Variants in KANK1 observed in about 807,000 individuals in gnomAD.
KANK1 encodes the protein KN motif and ankyrin repeat domain-containing protein 1.
Under a neutral mutation model 106.2 loss-of-function variants are expected in KANK1, and 109 were observed. That is an observed-to-expected ratio of 1.03 (90% CI 0.88 to 1.20). The LOEUF (loss-of-function observed/expected upper bound fraction) is 1.20, where lower values mean the gene tolerates loss of function less well. Ranked by LOEUF, KANK1 falls within the 50% of genes most tolerant of loss-of-function variation. The pLI, the probability that KANK1 is intolerant of heterozygous loss-of-function variation, is 0.00. For missense variants in KANK1, 2,399 were observed against 1,710.7 expected, an observed-to-expected ratio of 1.40 and a Z score of -7.10; for synonymous variants, 873 against 652.2, an observed-to-expected ratio of 1.34 and a Z score of -5.16.
chr9:517,740 T>TAA (rs2059351414), intron 1 of KANK1, among the ~76,000 whole-genome samples: 1 of 6,232 alleles, frequency 1.6e-4, no homozygotes. Context: ...TGAGGATTCT[T>TAA]TTTTTTTTTT....
intron 1 of KANK1, among the ~76,000 whole-genome samples, chr9:589,875 G>A (rs11795359): frequency 0.25 from 37,758 of 152,002 alleles, 4,915 homozygotes; most frequent in Admixed American, 0.34. Flanking sequence ...ACCTCTGCAG[G>A]ATGCAGGAAG....
intron 1 of KANK1, among the ~76,000 whole-genome samples, chr9:609,901 A>G (rs1189533592): frequency 5.9e-5 from 9 of 152,188 alleles, no homozygotes; most frequent in East Asian, 1.9e-4. Context: ...CCACTCTCAC[A>G]TAGAAATGTT....
chr9:489,521 T>G (rs1014908772), intron 3 of KANK1, among the ~76,000 whole-genome samples: 1 of 152,228 alleles, frequency 6.6e-6, no homozygotes, highest in Non-Finnish European at 1.5e-5. Flanking sequence ...GACTGATAGT[T>G]TGGGCCAGAG....
chr9:693,748 C>T (rs1446110178), intron 2 of KANK1: 4 of 985,172 alleles, frequency 4.1e-6, no homozygotes, highest in Admixed American at 6.2e-5. Context: ...ACCTGGCTTC[C>T]TGCTCGCTGA....
chr9:555,474 G>A (rs1287199638), intron 1 of KANK1, among the ~76,000 whole-genome samples: 2 of 152,152 alleles, frequency 1.3e-5, no homozygotes, highest in Admixed American at 6.5e-5. Flanking sequence ...AATCAAATGA[G>A]TGAACATAAA....
intron 2 of KANK1, among the ~76,000 whole-genome samples, chr9:692,163 G>T (rs886529619): frequency 1.3e-5 from 2 of 152,164 alleles, no homozygotes; most frequent in Non-Finnish European, 2.9e-5. Context: ...GCCTAGTTTG[G>T]CTCATCTTGG....
intron 3 of KANK1, among the ~76,000 whole-genome samples, chr9:496,006 G>A (rs1186053168): frequency 1.3e-5 from 2 of 151,984 alleles, no homozygotes; most frequent in Non-Finnish European, 2.9e-5. Context: ...TGCATACACT[G>A]TCCCAGCTGG....
upstream of KANK1, among the ~76,000 whole-genome samples, chr9:501,042 C>T (rs918858463): frequency 6.6e-6 from 1 of 151,954 alleles, no homozygotes; most frequent in Non-Finnish European, 1.5e-5. Context: ...TTCACTGAGT[C>T]TTCAGACATC....
chr9:712,488 G>T lies in KANK1; in HGVS notation c.1722G>T (p.Arg574Ser). ...LPMNWWIVKERVEMHDRCAGR... is the reference protein window; with the variant it reads ...LPMNWWIVKESVEMHDRCAGR... ...TGAATTGGTGGATTGTTAAGGAGAG[G>T]GTGGAAATGCATGACCGATGTGCTG... The change falls in exon 3 of 12, where the codon AGG becomes AGT. Residue 574 changes from arginine to serine, a missense_variant. Arg to Ser is a moderately radical substitution (Grantham distance 110). Coordinates refer to ENST00000382297, the MANE Select transcript of KANK1 (RefSeq NM_015158.5). The T allele has an allele frequency of 6.8e-6, 11 of 1,614,184 alleles. No homozygotes were observed. Among genetic ancestry groups the T allele is most frequent in the Non-Finnish European group, 9.3e-6 (11 of 1,180,038 alleles).
At chr9:521,959 A>C (rs2059574365) in intron 1 of KANK1, among the ~76,000 whole-genome samples, 1 of 151,808 alleles carries the variant, frequency 6.6e-6, no homozygotes, top group Admixed American at 6.6e-5. Context: ...CAGGCAGCTC[A>C]TACATGGTGA....
chr9:630,915 G>A (rs550525088), intron 1 of KANK1, among the ~76,000 whole-genome samples: 5 of 151,962 alleles, frequency 3.3e-5, no homozygotes, highest in East Asian at 1.9e-4. Context: ...AGATCATGCC[G>A]CCACACCCTA....
rs374189043 is a variant in KANK1 at position 599,638 on chromosome 9, T to A, written c.-83-77252T>A. Among the ~76,000 whole-genome samples the A allele has an allele frequency of 1.2e-3, 185 of 152,008 alleles. 4 individuals carry two copies. The highest frequency in any genetic ancestry group is 4.3e-3 in the African/African-American group (179 of 41,256). On this transcript the variant is annotated intron_variant, in intron 1 of 11. Coordinates refer to ENST00000382297, the MANE Select transcript of KANK1 (RefSeq NM_015158.5). The stretch of plus-strand genomic sequence containing the variant: ...CTACGTAGCTGACCCTTGAACATCA[T>A]GGGTCCACTTATATGCAGGTCCACG...
At chr9:509,606 A>G (rs1336909516) in intron 1 of KANK1, among the ~76,000 whole-genome samples, 2 of 152,182 alleles carry the variant, frequency 1.3e-5, no homozygotes, top group African/African-American at 2.4e-5. Context: ...TAATCCTCTT[A>G]TTAGAAATGT....
intron 1 of KANK1, among the ~76,000 whole-genome samples, chr9:675,789 T>C (rs1300713006): frequency 1.3e-5 from 2 of 152,284 alleles, no homozygotes; most frequent in South Asian, 2.1e-4. Flanking sequence ...GAATAAAGAA[T>C]GGCTACTCCA....
intron 1 of KANK1, among the ~76,000 whole-genome samples, chr9:527,562 G>T (rs1221461235): frequency 6.6e-6 from 1 of 151,646 alleles, no homozygotes; most frequent in African/African-American, 2.4e-5. Flanking sequence ...CTGCCTCGCA[G>T]AGTGCTGGAA....
chr9:483,509 C>G (rs1173798193), intron 3 of KANK1, among the ~76,000 whole-genome samples: 1 of 152,146 alleles, frequency 6.6e-6, no homozygotes, highest in Non-Finnish European at 1.5e-5. Context: ...CCAGCTATGA[C>G]ACACCTATGA....
chr9:638,113 G>A (rs1234136723), intron 1 of KANK1, among the ~76,000 whole-genome samples: 1 of 152,168 alleles, frequency 6.6e-6, no homozygotes, highest in Non-Finnish European at 1.5e-5. Context: ...AAACTGAAAT[G>A]GAGGATCCAG....
intron 1 of KANK1, among the ~76,000 whole-genome samples, chr9:557,808 C>T (rs1251845844): frequency 6.6e-6 from 1 of 152,100 alleles, no homozygotes; most frequent in Non-Finnish European, 1.5e-5. Context: ...GGTGGGAGGA[C>T]TGTGTGAGCC....
At chr9:689,583 T>C (rs16922599) in intron 2 of KANK1, among the ~76,000 whole-genome samples, 13,838 of 142,496 alleles carry the variant, frequency 0.097, 882 homozygotes, top group East Asian at 0.36. Context: ...TGCTGGACTT[T>C]CCTTTTAATC....
Sources: gnomAD v4.1 joint callset for allele counts (sites outside exome capture counted in the v4.1 genomes callset) on GRCh38, gnomAD v4.1.1 for gene constraint, MANE v1.5 for transcripts, NCBI Gene and HGNC (gene_info 2026-07-23, HGNC 2026-07-21) for gene names.